The following RAB6B variants were observed in gnomAD, a reference collection of about 807,000 sequenced individuals.
RAB6B encodes ras-related protein Rab-6B.
A neutral mutation model predicts 31.2 loss-of-function variants in RAB6B; 7 were observed. The ratio of observed to expected loss-of-function variants is 0.22; its 90% CI spans 0.13 to 0.42. The LOEUF is 0.42. RAB6B is among the 10% of genes least tolerant of loss of function. The pLI is 1.00. For synonymous variants in RAB6B, 105 were observed against 104.9 expected, an observed-to-expected ratio of 1.00 and a Z score of -0.01; for missense variants, 149 against 280.6, an observed-to-expected ratio of 0.53 and a Z score of 3.35.
At chr3:133,855,922 G>A (rs1371494391) in intron 2 of RAB6B, among the ~76,000 whole-genome samples, 1 of 152,070 alleles carries the variant, frequency 6.6e-6, no homozygotes, top group Admixed American at 6.5e-5. Context: ...CTCAATTCTG[G>A]CCAATAAGAC....
chr3:133,881,467 C>T (rs1390195889), intron 1 of RAB6B, among the ~76,000 whole-genome samples: 1 of 152,170 alleles, frequency 6.6e-6, no homozygotes, highest in Admixed American at 6.5e-5. Flanking sequence ...TGTCATGAGG[C>T]CCAAATGGAA....
At chr3:133,865,234 T>G (rs1292182788) in intron 1 of RAB6B, among the ~76,000 whole-genome samples, 1 of 152,202 alleles carries the variant, frequency 6.6e-6, no homozygotes, top group African/African-American at 2.4e-5. Flanking sequence ...GGAACCCCGC[T>G]AGGTAAATGC....
At position 133,864,634 on chromosome 3, in the gene RAB6B, T is replaced by A; in HGVS notation, c.79A>T (p.Thr27Ser). ...VFLGEQSVGK[T>S]SLITRFMYDS... ...TACATGAACCTCGTAATCAGAGACG[T>A]CTTCCCGACTGCAAAACAACAAGGA... The change falls in exon 2 of 8, where the codon ACG (threonine) becomes TCG (serine). Residue 27 changes from threonine (T) to serine (S), a missense_variant. Transcript: ENST00000285208. 1 of 1,614,144 alleles carries A rather than the reference T, an allele frequency of 6.2e-7. No individual in the cohort carries two copies. The highest frequency in any genetic ancestry group is 8.5e-7 in the Non-Finnish European group (1 of 1,179,962).
intron 1 of RAB6B, among the ~76,000 whole-genome samples, chr3:133,872,985 T>C (rs1316467692): frequency 2.6e-5 from 4 of 152,148 alleles, no homozygotes. Flanking sequence ...CAGGCCCTTC[T>C]CCTGCACCAG....
rs137955040 is a variant in RAB6B, at chr3:133,859,343, A to G, written c.129+5241T>C. Among the ~76,000 whole-genome samples the G allele has an allele frequency of 3.5e-3, 536 of 152,230 alleles. 4 individuals are homozygous for G. Among genetic ancestry groups the G allele is most frequent in the African/African-American group, 0.012 (492 of 41,530 alleles). ...AGTCTAGATGATGGAAAATTACACC[A>G]AGAAAAAAGTGCTCAGTAACCTCAG... On this transcript the variant is annotated intron_variant, in intron 2 of 7. Coordinates refer to ENST00000285208, the MANE Select transcript of RAB6B (RefSeq NM_016577.4).
intron 1 of RAB6B, among the ~76,000 whole-genome samples, chr3:133,892,349 T>C (rs1936648938): frequency 2.0e-5 from 3 of 152,134 alleles, no homozygotes; most frequent in Admixed American, 6.5e-5. Flanking sequence ...AGCCAGCCTA[T>C]ATTCCACAGG....
chr3:133,881,568 G>A (rs971440756), intron 1 of RAB6B, among the ~76,000 whole-genome samples: 2 of 152,224 alleles, frequency 1.3e-5, no homozygotes. Context: ...CAGATGATCA[G>A]AGTGACCTCA....
chr3:133,836,921 C>T (rs1935744861), intron 6 of RAB6B, among the ~76,000 whole-genome samples: 2 of 152,186 alleles, frequency 1.3e-5, no homozygotes, highest in African/African-American at 4.8e-5. Flanking sequence ...GCCCACCTTC[C>T]CCACTGCCAC....
intron 1 of RAB6B, among the ~76,000 whole-genome samples, chr3:133,884,413 T>G (rs1936509808): frequency 6.6e-6 from 1 of 152,232 alleles, no homozygotes; most frequent in African/African-American, 2.4e-5. Flanking sequence ...CTTTCAGCCT[T>G]AGCTTTTTGT....
chr3:133,875,269 C>T (rs879638451), intron 1 of RAB6B, among the ~76,000 whole-genome samples: 3 of 125,268 alleles, frequency 2.4e-5, no homozygotes, highest in African/African-American at 1.1e-4. Context: ...TTCACAGTTA[C>T]ACGTGTGTGT....
In RAB6B at chr3:133,838,194, C is replaced by T. The variant is rs999252754; in HGVS notation, c.467G>A (p.Ser156Asn). 5 of 1,614,084 alleles carry T rather than the reference C, an allele frequency of 3.1e-6. No individual in the cohort carries two copies. The highest frequency in any genetic ancestry group is 4.2e-6 in the Non-Finnish European group (5 of 1,180,032). Residue 156 changes from serine (S) to asparagine (N), a missense_variant, in exon 6 of 8, where the codon AGT becomes AAT. Physicochemically the swap from Ser to Asn is conservative, Grantham distance 46. Transcript: ENST00000285208. ...CTTCACGTTGTAGCCAGTCTTCGCA[C>T]TGGTCTCAATGAACATGACGCTCAG... ...KELSVMFIET[S>N]AKTGYNVKQL...
chr3:133,888,292 A>G (rs1393064243), intron 1 of RAB6B, among the ~76,000 whole-genome samples: 1 of 152,222 alleles, frequency 6.6e-6, no homozygotes, highest in Non-Finnish European at 1.5e-5. Flanking sequence ...ATGATCCCAC[A>G]TCCGTCACAG....
chr3:133,839,052 GT>G (rs1171397701), intron 5 of RAB6B, among the ~76,000 whole-genome samples: 4 of 152,248 alleles, frequency 2.6e-5, no homozygotes, highest in Non-Finnish European at 5.9e-5. Context: ...ACGGCCATAG[GT>G]TTGTGGTCTG....
chr3:133,865,743 G>A (rs9838200), intron 1 of RAB6B, among the ~76,000 whole-genome samples: 52,961 of 152,202 alleles, frequency 0.35, 10,463 homozygotes, highest in Non-Finnish European at 0.47. Context: ...GCCTGGTGGG[G>A]TGGCTGGTCA....
intron 1 of RAB6B, among the ~76,000 whole-genome samples, chr3:133,889,203 A>C (rs1383396498): frequency 1.3e-5 from 2 of 151,688 alleles, no homozygotes; most frequent in Non-Finnish European, 2.9e-5. Context: ...TTCGGCAACA[A>C]TGGACGACTT....
At chr3:133,886,854 T>C (rs950595324) in intron 1 of RAB6B, among the ~76,000 whole-genome samples, 5 of 152,222 alleles carry the variant, frequency 3.3e-5, no homozygotes, top group South Asian at 2.1e-4. Flanking sequence ...ATGCCATGTA[T>C]AGATGTACTT....
intron 1 of RAB6B, among the ~76,000 whole-genome samples, chr3:133,882,753 C>T (rs532197731): frequency 6.6e-6 from 1 of 152,322 alleles, no homozygotes; most frequent in East Asian, 1.9e-4. Context: ...GGTCTTCTTG[C>T]TACATGATAG....
intron 1 of RAB6B, among the ~76,000 whole-genome samples, chr3:133,889,314 C>T (rs1304182165): frequency 6.8e-6 from 1 of 148,114 alleles, no homozygotes. Context: ...AATGTCGGGG[C>T]AACATCTATA....
chr3:133,878,698 C>T (rs1436336903), intron 1 of RAB6B, among the ~76,000 whole-genome samples: 3 of 152,156 alleles, frequency 2.0e-5, no homozygotes, highest in East Asian at 3.8e-4. Flanking sequence ...AAATTAGCAA[C>T]AATATATTAG....
Sources: gnomAD v4.1 joint callset for allele counts (sites outside exome capture counted in the v4.1 genomes callset) on GRCh38, gnomAD v4.1.1 for gene constraint, MANE v1.5 for transcripts, NCBI Gene and HGNC (gene_info 2026-07-23, HGNC 2026-07-21) for gene names.